Variants in URB2 observed in about 807,000 individuals in gnomAD.
URB2 encodes the protein unhealthy ribosome biogenesis protein 2 homolog.
A neutral mutation model predicts 120.9 loss-of-function variants in URB2; 86 were observed. The observed-to-expected ratio is 0.71, with a 90% confidence interval of 0.60 to 0.85. The LOEUF (loss-of-function observed/expected upper bound fraction) is 0.85. Among genes scored for constraint, URB2 ranks in the 40% least tolerant of loss-of-function variants. The pLI is 0.00. For synonymous variants in URB2, 755 were observed against 758.4 expected, an observed-to-expected ratio of 1.00 and a Z score of 0.07; for missense variants, 1,765 against 1,836.5, an observed-to-expected ratio of 0.96 and a Z score of 0.71.
chr1:229,654,140 A>G (rs1666347277), intron 8 of URB2, 109 bp from the exon 9 acceptor site: 3 of 1,500,040 alleles, frequency 2.0e-6, no homozygotes, highest in African/African-American at 1.4e-5. Flanking sequence ...AGTCTGGGAA[A>G]ACATGTAACA....
intron 4 of URB2, among the ~76,000 whole-genome samples, chr1:229,639,039 G>A (rs998001470): frequency 2.0e-5 from 3 of 152,140 alleles, no homozygotes; most frequent in Middle Eastern, 3.2e-3. Context: ...TCAGAGCCAG[G>A]CGTGGCAGCT....
In URB2 at chr1:229,638,177, C is replaced by G. The variant is rs369586178; in HGVS notation, c.3564C>G (p.Ala1188=). The G allele has an allele frequency of 1.5e-3, 2,411 of 1,614,010 alleles. 50 individuals are homozygous for G. The South Asian group carries it at 0.025, about 17-fold the overall frequency. ...AGTTTTTGACTCTGTTCTTTTTGGC[C>G]CCAGAACTGCATCCCAAAAAGGACT... ...ALQFLTLFFL[A]PELHPKKDSV... is the part of the protein sequence containing the mutation. Residue 1188 remains alanine (A), a synonymous_variant, in exon 4 of 10, where the codon GCC becomes GCG. Coordinates refer to ENST00000258243, the MANE Select transcript of URB2 (RefSeq NM_014777.4).
intron 2 of URB2, among the ~76,000 whole-genome samples, chr1:229,628,269 A>ATATTATACATATACATATTATATATG: frequency 6.8e-6 from 1 of 147,696 alleles, no homozygotes; most frequent in African/African-American, 2.5e-5. Context: ...ATATGTATAT[A>ATATTATACATATACATATTATATATG]AATTAGTCAG....
At chr1:229,629,139 A>C (rs1391131014) in intron 2 of URB2, among the ~76,000 whole-genome samples, 1 of 152,232 alleles carries the variant, frequency 6.6e-6, no homozygotes, top group East Asian at 1.9e-4. Context: ...TTTTGTGAAG[A>C]GGAAACATGA....
chr1:229,650,673 C>T lies in URB2; in HGVS notation c.4150-562C>T, dbSNP rs545761072. Among the ~76,000 whole-genome samples, 263 of 152,226 alleles carry T rather than the reference C, an allele frequency of 1.7e-3. 1 individual carries two copies. The highest frequency in any genetic ancestry group is 6.0e-3 in the African/African-American group (248 of 41,540). On this transcript the variant is annotated intron_variant, in intron 7 of 9. Transcript: ENST00000258243. Reference sequence around the variant, plus strand: ...CTCCAACTCCTGACCTCAGATGATCCGCCTGCCTCGGCCTCCCAAAGTGCT... The same window carrying T: ...CTCCAACTCCTGACCTCAGATGATCTGCCTGCCTCGGCCTCCCAAAGTGCT...
At position 229,639,338 on chromosome 1, in the gene URB2, T is replaced by TC. The variant is rs1665944057; in HGVS notation, c.3634+1091_3634+1092insC. On this transcript the variant is annotated intron_variant, in intron 4 of 9. Coordinates refer to ENST00000258243, the MANE Select transcript of URB2 (RefSeq NM_014777.4). ...AAAAAGTACAAATCACTTAATTTCT[T>TC]TTTTTTTTTTTTTTGAGATGGAGTC... 3.4e-5 allele frequency among the ~76,000 whole-genome samples: 5 copies of TC among 146,554 alleles called. No homozygotes were observed. In the South Asian group the frequency reaches 1.1e-3, roughly 32 times the overall value.
chr1:229,635,704 T>G lies in URB2; in HGVS notation c.1091T>G (p.Leu364Arg). Residue 364 changes from leucine (L) to arginine (R), a missense_variant, in exon 4 of 10, where the codon CTA becomes CGA. Coordinates refer to ENST00000258243, the MANE Select transcript of URB2 (RefSeq NM_014777.4). ...TTELLVVEQL[L>R]NSVANNNIYN... The stretch of plus-strand genomic sequence containing the variant: ...GAGCTTTTGGTTGTGGAACAGCTAC[T>G]AAACTCAGTGGCCAACAACAATATC... 6.2e-7 allele frequency: 1 copy of G among 1,614,192 alleles called. No homozygotes were observed.
At position 229,637,915 on chromosome 1, in the gene URB2, T is replaced by C; in HGVS notation, c.3302T>C (p.Leu1101Pro). The change falls in exon 4 of 10, where the codon CTC becomes CCC. Residue 1101 changes from leucine (L) to proline (P), a missense_variant. Transcript: ENST00000258243. ...VVLQTGAVLQ[L>P]CSVPGARGWR... ...CTGCAGACAGGAGCTGTGCTGCAGC[T>C]CTGCTCAGTGCCGGGGGCCCGGGGC... The C allele has an allele frequency of 6.2e-7, 1 of 1,611,260 alleles. No homozygotes were observed.
At chr1:229,638,804 A>G (rs916745352) in intron 4 of URB2, among the ~76,000 whole-genome samples, 1 of 152,106 alleles carries the variant, frequency 6.6e-6, no homozygotes, top group African/African-American at 2.4e-5. Flanking sequence ...CCTCCTCCGT[A>G]TGTTGCTCTG....
At chr1:229,630,753 C>T (rs1449478708) in intron 2 of URB2, among the ~76,000 whole-genome samples, 2 of 152,090 alleles carry the variant, frequency 1.3e-5, no homozygotes, top group East Asian at 3.9e-4. Flanking sequence ...TTTGGGAGGC[C>T]AACGCAGGTG....
At chr1:229,634,022 G>A (rs773723330) in intron 3 of URB2, among the ~76,000 whole-genome samples, 1 of 151,882 alleles carries the variant, frequency 6.6e-6, no homozygotes, top group Non-Finnish European at 1.5e-5. Context: ...AGTAGAGATG[G>A]TGTTTCACCA....
Position 229,635,793 on chromosome 1 carries a change from G to A in URB2, c.1180G>A (p.Ala394Thr), listed in dbSNP as rs770093927. ...TCAGTTCCGCTTTTACCGCCACGTG[G>A]CTGAGCTGCTGATAAACCATGCACA... ...EAQFRFYRHV[A>T]ELLINHAQAP... Residue 394 changes from alanine to threonine, a missense_variant, in exon 4 of 10, where the codon GCT becomes ACT. Transcript: ENST00000258243. The A allele has an allele frequency of 6.2e-7, 1 of 1,614,164 alleles. No individual in the cohort carries two copies. Among genetic ancestry groups the A allele is most frequent in the Non-Finnish European group, 8.5e-7 (1 of 1,180,046 alleles).
chr1:229,645,837 A>T (rs546795219), intron 5 of URB2, 22 bp from the exon 6 acceptor site: 2 of 1,607,762 alleles, frequency 1.2e-6, no homozygotes, highest in East Asian at 4.5e-5. Context: ...TCTGCCGCTA[A>T]GTTTTTTCTC....
chr1:229,637,823 C>A lies in URB2; in HGVS notation c.3210C>A (p.Phe1070Leu), dbSNP rs758418401. 6 of 1,610,184 alleles carry A rather than the reference C, an allele frequency of 3.7e-6. No homozygotes were observed. Among genetic ancestry groups the A allele is most frequent in the Non-Finnish European group, 5.1e-6 (6 of 1,178,424 alleles). ...GGTTGTGCCATGTCCTGGGACCTTT[C>A]CTCAAAGAGCAGAAGCTGGGCCAAG... is the stretch of plus-strand genomic sequence containing the variant. ...LTRLCHVLGPFLKEQKLGQEA... is the reference protein window; with the variant it reads ...LTRLCHVLGPLLKEQKLGQEA... Residue 1070 changes from phenylalanine to leucine, a missense_variant, in exon 4 of 10, where the codon TTC (phenylalanine) becomes TTA (leucine). Coordinates refer to ENST00000258243, the MANE Select transcript of URB2 (RefSeq NM_014777.4).
intron 4 of URB2, among the ~76,000 whole-genome samples, chr1:229,639,722 T>C (rs1299931278): frequency 6.6e-6 from 1 of 152,146 alleles, no homozygotes; most frequent in African/African-American, 2.4e-5. Flanking sequence ...CCCCACCATA[T>C]TAGGGTGCTG....
chr1:229,654,178 A>G, intron 8 of URB2, 71 bp from the exon 9 acceptor site: 1 of 1,578,758 alleles, frequency 6.3e-7, no homozygotes, highest in Non-Finnish European at 8.6e-7. Flanking sequence ...CCATATTAAA[A>G]GTCTAACATA....
chr1:229,654,283 T>A lies in URB2; in HGVS notation c.4272T>A (p.Cys1424Ter). The change falls in exon 9 of 10, where the codon TGT becomes TGA. Residue 1424 changes from cysteine (C) to a stop codon, truncating the protein, a stop_gained. Coordinates refer to ENST00000258243, the MANE Select transcript of URB2 (RefSeq NM_014777.4). LOFTEE classifies it high-confidence loss of function. ...ATGACCTGCCTACGGTCCTAAAGTGTGCACGCCTGGTTGAAAGAATGTACA... is the reference window on the plus strand; with the variant it reads ...ATGACCTGCCTACGGTCCTAAAGTGAGCACGCCTGGTTGAAAGAATGTACA... ...SIDDLPTVLK[C>*]ARLVERMYSH... 2 of 1,614,172 alleles carry A rather than the reference T, an allele frequency of 1.2e-6. No individual in the cohort carries two copies. Among genetic ancestry groups the A allele is most frequent in the Non-Finnish European group, 1.7e-6 (2 of 1,180,040 alleles).
rs566527005 is a variant in URB2, at chr1:229,632,007, G to A, written c.127-262G>A. Reference sequence around the variant, plus strand: ...ATAACCTCAAAAAACGGGTTAAGACGTGTTAGTTTCACCTGAAACTTTTAA... The same window carrying A: ...ATAACCTCAAAAAACGGGTTAAGACATGTTAGTTTCACCTGAAACTTTTAA... On this transcript the variant is annotated intron_variant, in intron 2 of 9. Coordinates refer to ENST00000258243, the MANE Select transcript of URB2 (RefSeq NM_014777.4). Among the ~76,000 whole-genome samples, 62 of 152,242 alleles carry A rather than the reference G, an allele frequency of 4.1e-4. No individual in the cohort carries two copies. In the Middle Eastern group the frequency reaches 0.024, roughly 59 times the overall value.
chr1:229,641,925 C>T (rs140265822), intron 4 of URB2, among the ~76,000 whole-genome samples: 569 of 152,188 alleles, frequency 3.7e-3, no homozygotes, highest in Non-Finnish European at 6.5e-3. Flanking sequence ...CGAGAGGACC[C>T]CTTGAGCCCA....
Sources: gnomAD v4.1 joint callset for allele counts (sites outside exome capture counted in the v4.1 genomes callset) on GRCh38, gnomAD v4.1.1 for gene constraint, MANE v1.5 for transcripts, NCBI Gene and HGNC (gene_info 2026-07-23, HGNC 2026-07-21) for gene names.